Variants in RAF1 observed in about 807,000 individuals in gnomAD.
RAF1 encodes the protein Raf-1 proto-oncogene, serine/threonine kinase.
A neutral mutation model predicts 81.1 loss-of-function variants in RAF1; 27 were observed. The observed-to-expected ratio is 0.33, with a 90% CI of 0.25 to 0.46. The LOEUF (loss-of-function observed/expected upper bound fraction) is 0.46, where lower values mean the gene tolerates loss of function less well. Among genes scored for constraint, RAF1 ranks in the 20% least tolerant of loss-of-function variants. The pLI is 1.00. For synonymous variants in RAF1, 298 were observed against 294.0 expected, an observed-to-expected ratio of 1.01 and a Z score of -0.14; for missense variants, 598 against 826.0, an observed-to-expected ratio of 0.72 and a Z score of 3.38.
intron 2 of RAF1, among the ~76,000 whole-genome samples, chr3:12,614,448 A>C (rs1355577176): frequency 6.6e-6 from 1 of 151,972 alleles, no homozygotes. Flanking sequence ...TATTATATAT[A>C]CTGAGACAGA....
intron 10 of RAF1, 139 bp downstream of exon 9, chr3:12,600,013 G>T: frequency 7.0e-7 from 1 of 1,420,346 alleles, no homozygotes; most frequent in Non-Finnish European, 9.9e-7. Context: ...TGCCAAAAAT[G>T]ACAGTAACAT....
At chr3:12,627,018 T>C (rs2059722770) in intron 1 of RAF1, among the ~76,000 whole-genome samples, 1 of 126,612 alleles carries the variant, frequency 7.9e-6, no homozygotes, top group Non-Finnish European at 1.6e-5. Flanking sequence ...CGAGACTCTG[T>C]CTCAAAAAAA....
At chr3:12,597,221 C>G (rs958664701) in intron 11 of RAF1, among the ~76,000 whole-genome samples, 20 of 152,270 alleles carry the variant, frequency 1.3e-4, no homozygotes, top group African/African-American at 3.8e-4. Context: ...ATCTTAAAAA[C>G]AAGTTATCTC....
At chr3:12,635,402 C>CGAGGTGGGCGGATCATGTAAG (rs1223109705) in intron 1 of RAF1, among the ~76,000 whole-genome samples, 1 of 147,514 alleles carries the variant, frequency 6.8e-6, no homozygotes, top group African/African-American at 2.5e-5. Context: ...TTCAGGAGGC[C>CGAGGTGGGCGGATCATGTAAG]GAGGTGGGCG....
At chr3:12,622,854 T>A (rs2059591898) in intron 1 of RAF1, among the ~76,000 whole-genome samples, 3 of 152,272 alleles carry the variant, frequency 2.0e-5, no homozygotes, top group South Asian at 4.1e-4. Context: ...CTCCATTTAG[T>A]GGTACATCTT....
chr3:12,609,912 G>A (rs1162151589), intron 3 of RAF1, among the ~76,000 whole-genome samples: 1 of 152,190 alleles, frequency 6.6e-6, no homozygotes, highest in African/African-American at 2.4e-5. Flanking sequence ...AAATATTGCT[G>A]CAGTACAAAA....
At chr3:12,609,474 C>A (rs2059144501) in intron 3 of RAF1, 139 bp from the exon 4 acceptor site, 2 of 662,890 alleles carry the variant, frequency 3.0e-6, no homozygotes, top group Non-Finnish European at 5.4e-6. Context: ...TTAATTCATA[C>A]AACAAACCTA....
At chr3:12,655,867 T>C (rs772299587) in intron 1 of RAF1, among the ~76,000 whole-genome samples, 9 of 152,008 alleles carry the variant, frequency 5.9e-5, no homozygotes, top group Non-Finnish European at 1.0e-4. Context: ...GTACCTGGAA[T>C]AGGCAAATTC....
chr3:12,588,578 C>T (rs2058404522), intron 13 of RAF1: 1 of 152,140 alleles, frequency 6.6e-6, no homozygotes, highest in African/African-American at 2.4e-5. Flanking sequence ...AGAAAAGGCA[C>T]AGTAAAAATA....
intron 1 of RAF1, among the ~76,000 whole-genome samples, chr3:12,646,413 C>A (rs2060349743): frequency 6.6e-6 from 1 of 152,230 alleles, no homozygotes; most frequent in Middle Eastern, 3.4e-3. Context: ...CTTCCTCTGT[C>A]ACCCACGCTG....
intron 1 of RAF1, among the ~76,000 whole-genome samples, chr3:12,620,205 G>A (rs748301564): frequency 1.1e-4 from 17 of 151,692 alleles, no homozygotes; most frequent in Non-Finnish European, 2.2e-4. Flanking sequence ...GTAGTGGCGC[G>A]ATCTTGGCTC....
intron 1 of RAF1, among the ~76,000 whole-genome samples, chr3:12,655,287 T>C (rs1028197541): frequency 6.6e-6 from 1 of 152,128 alleles, no homozygotes; most frequent in Non-Finnish European, 1.5e-5. Flanking sequence ...GGTTTCACCA[T>C]GTTGGCCAGG....
intron 1 of RAF1, among the ~76,000 whole-genome samples, chr3:12,619,116 G>T (rs1287356474): frequency 6.6e-6 from 1 of 152,070 alleles, no homozygotes; most frequent in East Asian, 1.9e-4. Context: ...GTGGTGGCGG[G>T]CGCCTGTAGT....
intron 1 of RAF1, among the ~76,000 whole-genome samples, chr3:12,627,393 ACT>A (rs149811348): frequency 0.018 from 2,804 of 152,282 alleles, 26 homozygotes; most frequent in Middle Eastern, 0.037. Context: ...CCTAGATTCT[ACT>A]CTGTTTTGCC....
intron 1 of RAF1, among the ~76,000 whole-genome samples, chr3:12,640,000 G>A (rs1358370654): frequency 6.6e-6 from 1 of 152,140 alleles, no homozygotes; most frequent in Non-Finnish European, 1.5e-5. Context: ...AAAACAGCAT[G>A]GTACTGGTAC....
At chr3:12,644,019 A>C (rs2060270662) in intron 1 of RAF1, among the ~76,000 whole-genome samples, 1 of 152,214 alleles carries the variant, frequency 6.6e-6, no homozygotes, top group African/African-American at 2.4e-5. Flanking sequence ...ATAAACTATA[A>C]ATTAGACAAC....
rs149504698 is a variant in RAF1 at position 12,628,225 on chromosome 3, C to A, written c.-26-9478G>T. Reference sequence around the variant, plus strand: ...CCTGTAATCCCTGCACTTCGGGAGACCGAGGTACGAAGATCACTTAGGCCC... The same window carrying A: ...CCTGTAATCCCTGCACTTCGGGAGAACGAGGTACGAAGATCACTTAGGCCC... On this transcript the variant is annotated intron_variant, in intron 1 of 17. Transcript: ENST00000442415. 3.3e-5 allele frequency among the ~76,000 whole-genome samples: 5 copies of A among 152,362 alleles called. No individual in the cohort carries two copies. The East Asian group carries it at 9.6e-4, about 29-fold the overall frequency.
At chr3:12,663,425 G>A (rs1248009520) in intron 1 of RAF1, among the ~76,000 whole-genome samples, 8 of 152,206 alleles carry the variant, frequency 5.3e-5, no homozygotes, top group Non-Finnish European at 1.0e-4. Context: ...CCCTGAGAAA[G>A]GGTGCAAGCC....
Position 12,663,893 on chromosome 3 carries a change from G to A in RAF1, c.-107C>T, listed in dbSNP as rs1451879607. The A allele has an allele frequency of 2.5e-5, 10 of 398,194 alleles. No individual in the cohort carries two copies. The East Asian group carries it at 3.6e-4, about 14-fold the overall frequency. The allele number at this position is 398,194 out of a possible 1,614,324, so 24.7% of individuals were successfully genotyped here. On this transcript the variant is annotated 5_prime_UTR_variant, in exon 1 of 18. Coordinates refer to ENST00000442415, the MANE Select transcript of RAF1 (RefSeq NM_001354689.3). ...CTCCTCCTCCCCGCGGCGGGTGAGG[G>A]AGCGGGAGGCGGTCACATTCGGCGC...
Sources: gnomAD v4.1 joint callset for allele counts (sites outside exome capture counted in the v4.1 genomes callset) on GRCh38, gnomAD v4.1.1 for gene constraint, MANE v1.5 for transcripts, NCBI Gene and HGNC (gene_info 2026-07-23, HGNC 2026-07-21) for gene names.